Variants in MCF2L2 observed in about 807,000 individuals in gnomAD.
MCF2L2 encodes probable guanine nucleotide exchange factor MCF2L2.
MCF2L2 carries 102 observed loss-of-function variants against 150.2 expected under a neutral mutation model. The observed-to-expected ratio is 0.68, with a 90% CI of 0.58 to 0.80. The LOEUF is 0.80. Among genes scored for constraint, MCF2L2 ranks in the 30% least tolerant of loss-of-function variants. The pLI, the probability that MCF2L2 is intolerant of heterozygous loss-of-function variation, is 0.00. For synonymous variants in MCF2L2, 465 were observed against 491.3 expected, an observed-to-expected ratio of 0.95 and a Z score of 0.71; for missense variants, 1,256 against 1,372.8, an observed-to-expected ratio of 0.91 and a Z score of 1.34.
At chr3:183,286,441 G>A (rs898956540) in intron 14 of MCF2L2, among the ~76,000 whole-genome samples, 14 of 152,130 alleles carry the variant, frequency 9.2e-5, no homozygotes, top group African/African-American at 2.9e-4. Context: ...CTCTCGGACA[G>A]TGGCCACTAA....
chr3:183,335,773 C>A (rs576341788), intron 5 of MCF2L2, among the ~76,000 whole-genome samples: 36 of 152,218 alleles, frequency 2.4e-4, no homozygotes, highest in Middle Eastern at 3.4e-3. Context: ...CCAGGATGAT[C>A]GCTCAAGCCC....
At position 183,194,079 on chromosome 3, in the gene MCF2L2, T is replaced by G. The variant is rs575402421; in HGVS notation, c.2919-983A>C. Among the ~76,000 whole-genome samples the G allele has an allele frequency of 2.0e-5, 3 of 152,142 alleles. No homozygotes were observed. The East Asian group carries it at 5.8e-4, about 29-fold the overall frequency. On this transcript the variant is annotated intron_variant, in intron 26 of 29. Coordinates refer to ENST00000328913, the MANE Select transcript of MCF2L2 (RefSeq NM_015078.4). Reference sequence around the variant, plus strand: ...CATAAAATTATAGCTTATTAAATGCTGCAATAGAGTACTCCGTAAGAGTGT... The same window carrying G: ...CATAAAATTATAGCTTATTAAATGCGGCAATAGAGTACTCCGTAAGAGTGT...
Position 183,180,145 on chromosome 3 carries a change from C to G in MCF2L2, c.3031G>C (p.Glu1011Gln). ...TGGIKGCSSR[E>Q]FSSMDTFEDC... Reference sequence around the variant, plus strand: ...TCAAAGGTGTCCATGGAGCTAAACTCCCTGCTGGAGCAGCCTTAGGGAGAG... The same window carrying G: ...TCAAAGGTGTCCATGGAGCTAAACTGCCTGCTGGAGCAGCCTTAGGGAGAG... Residue 1011 changes from glutamate (E) to glutamine (Q), a missense_variant, in exon 28 of 30, where the codon GAG becomes CAG. By Grantham distance (29) the Glu-to-Gln change is conservative. Transcript: ENST00000328913. 1 of 1,613,374 alleles carries G rather than the reference C, an allele frequency of 6.2e-7. No individual in the cohort carries two copies. Among genetic ancestry groups the G allele is most frequent in the East Asian group, 2.2e-5 (1 of 44,866 alleles).
Position 183,270,552 on chromosome 3 carries a change from T to G in MCF2L2, c.1862+6320A>C. 1 of 1,614,190 alleles carries G rather than the reference T, an allele frequency of 6.2e-7. No homozygotes were observed. The highest frequency in any genetic ancestry group is 8.5e-7 in the Non-Finnish European group (1 of 1,180,036). ...GTACCAGTGGCCAGCTTACCCTGAC[T>G]ACACAGCCGGAGCTGCCTATGTAAT... On this transcript the variant is annotated intron_variant, in intron 15 of 29. Transcript: ENST00000328913. This position sits in a 1 kb window ranked among gnomAD's most constrained non-coding sequence, Gnocchi z 4.5.
At chr3:183,269,527 G>T (rs374501390) in intron 15 of MCF2L2, 39 of 364,624 alleles carry the variant, frequency 1.1e-4, no homozygotes, top group Middle Eastern at 1.5e-3. Context: ...TGGGAGAGCC[G>T]CATGAGGCCG....
rs1406658469 is a variant in MCF2L2 at position 183,179,716 on chromosome 3, C to T, written c.3106-24G>A. Reference sequence around the variant, plus strand: ...AGCTGGAAGGGAGGGGACGGGTGCACCCTCAGAGTTATTGCTGGAGGCTGT... The same window carrying T: ...AGCTGGAAGGGAGGGGACGGGTGCATCCTCAGAGTTATTGCTGGAGGCTGT... On this transcript the variant is annotated intron_variant, in intron 28 of 29. Transcript: ENST00000328913. This position sits in a 1 kb window ranked among gnomAD's most constrained non-coding sequence, Gnocchi z 4.2. 3.1e-6 allele frequency: 5 copies of T among 1,596,742 alleles called. No homozygotes were observed. Among genetic ancestry groups the T allele is most frequent in the Non-Finnish European group, 4.3e-6 (5 of 1,165,096 alleles).
intron 27 of MCF2L2, among the ~76,000 whole-genome samples, chr3:183,187,350 T>G (rs1721733888): frequency 6.6e-6 from 1 of 152,258 alleles, no homozygotes; most frequent in Non-Finnish European, 1.5e-5. Context: ...CATTTTTATG[T>G]CTTTCACATG....
In MCF2L2 at chr3:183,195,206, A is replaced by G; in HGVS notation, c.2918+16T>C. ...AGCATTTGACATGCCTTTAAAATAA[A>G]AAAATCAGTACTCACCTCGTGCTCA... On this transcript the variant is annotated intron_variant, in intron 26 of 29. Coordinates refer to ENST00000328913, the MANE Select transcript of MCF2L2 (RefSeq NM_015078.4). 1 of 1,589,402 alleles carries G rather than the reference A, an allele frequency of 6.3e-7. No individual in the cohort carries two copies. Among genetic ancestry groups the G allele is most frequent in the Middle Eastern group, 1.7e-4 (1 of 5,946 alleles).
chr3:183,213,236 T>C (rs1051737815), intron 22 of MCF2L2, among the ~76,000 whole-genome samples: 2 of 149,576 alleles, frequency 1.3e-5, no homozygotes, highest in Non-Finnish European at 3.0e-5. Flanking sequence ...ATCTCTAATA[T>C]GCATTGGATT....
intron 1 of MCF2L2, among the ~76,000 whole-genome samples, chr3:183,419,739 G>A (rs1180640102): frequency 6.6e-6 from 1 of 152,142 alleles, no homozygotes; most frequent in African/African-American, 2.4e-5. Context: ...CAGCCATGGT[G>A]GCATGCACCT....
chr3:183,352,998 C>T (rs954230549), intron 3 of MCF2L2, among the ~76,000 whole-genome samples: 18 of 152,040 alleles, frequency 1.2e-4, no homozygotes, highest in African/African-American at 3.9e-4. Context: ...TTCGAGGTAA[C>T]GATGAGAAGG....
At chr3:183,242,176 A>C (rs550846231) in intron 15 of MCF2L2, among the ~76,000 whole-genome samples, 1 of 152,232 alleles carries the variant, frequency 6.6e-6, no homozygotes, top group Admixed American at 6.5e-5. Flanking sequence ...TCAAAAGGGA[A>C]GAAGAGCATA....
intron 15 of MCF2L2, among the ~76,000 whole-genome samples, chr3:183,238,622 G>C (rs1723854533): frequency 6.6e-6 from 1 of 151,480 alleles, no homozygotes; most frequent in South Asian, 2.1e-4. Context: ...TGTGGCCCAA[G>C]ACAATTCTTC....
intron 1 of MCF2L2, among the ~76,000 whole-genome samples, chr3:183,393,190 CTCT>C (rs1473759739): frequency 7.9e-6 from 1 of 127,162 alleles, no homozygotes; most frequent in South Asian, 2.5e-4. Flanking sequence ...AGAAACTTGT[CTCT>C]TTTTTTTTTT....
intron 25 of MCF2L2, among the ~76,000 whole-genome samples, chr3:183,202,129 T>G (rs1358974041): frequency 6.6e-6 from 1 of 152,152 alleles, no homozygotes; most frequent in Non-Finnish European, 1.5e-5. Flanking sequence ...TGGAGCCTCA[T>G]TCTTAGAGAA....
At chr3:183,302,247 T>C (rs1301517791) in intron 10 of MCF2L2, among the ~76,000 whole-genome samples, 5 of 152,242 alleles carry the variant, frequency 3.3e-5, no homozygotes, top group Admixed American at 6.5e-5. Context: ...TTTTGCTTAG[T>C]ACTTTCTCAT....
chr3:183,282,537 C>G (rs1039988660), intron 14 of MCF2L2, among the ~76,000 whole-genome samples: 2 of 152,140 alleles, frequency 1.3e-5, no homozygotes, highest in Non-Finnish European at 2.9e-5. Context: ...TTTAAAATAT[C>G]AGGAAGTGAG....
intron 25 of MCF2L2, 137 bp from the exon 26 acceptor site, chr3:183,195,392 C>A: frequency 1.7e-6 from 1 of 590,394 alleles, no homozygotes; most frequent in East Asian, 3.2e-5. Flanking sequence ...AGGTCTTGAT[C>A]ATATTTTCCC....
Position 183,364,141 on chromosome 3 carries a change from T to C in MCF2L2, c.275+15156A>G, listed in dbSNP as rs145863738. Among the ~76,000 whole-genome samples, 497 of 152,144 alleles carry C rather than the reference T, an allele frequency of 3.3e-3. 3 individuals are homozygous for C. The highest frequency in any genetic ancestry group is 0.014 in the Middle Eastern group (4 of 294). On this transcript the variant is annotated intron_variant, in intron 3 of 29. Transcript: ENST00000328913. ...GACTTAAACATTTATATCATCAAGATAAATGAATGAAATAAATTATTCACT... is the reference window on the plus strand; with the variant it reads ...GACTTAAACATTTATATCATCAAGACAAATGAATGAAATAAATTATTCACT...
Sources: gnomAD v4.1 joint callset for allele counts (sites outside exome capture counted in the v4.1 genomes callset) on GRCh38, gnomAD v4.1.1 for gene constraint, Gnocchi (gnomAD v3.1) non-coding constraint, MANE v1.5 for transcripts, NCBI Gene and HGNC (gene_info 2026-07-23, HGNC 2026-07-21) for gene names.